The following HDAC9 variants were observed in gnomAD, a reference collection of about 807,000 sequenced individuals.
The protein encoded by HDAC9 is histone deacetylase 9.
HDAC9 carries 41 observed loss-of-function variants against 139.4 expected under a neutral mutation model. That is an observed-to-expected ratio of 0.29 (90% confidence interval 0.23 to 0.38). HDAC9 has a LOEUF of 0.38. Ranked by LOEUF, HDAC9 falls within the 10% of genes least tolerant of loss-of-function variation. The pLI is 1.00. For missense variants in HDAC9, 1,147 were observed against 1,297.0 expected (o/e 0.88, Z 1.78); for synonymous variants, 517 against 476.2 (o/e 1.09, Z -1.12).
At chr7:18,370,739 A>G (rs1784532747) in intron 1 of HDAC9, among the ~76,000 whole-genome samples, 3 of 152,278 alleles carry the variant, frequency 2.0e-5, no homozygotes, top group Non-Finnish European at 2.9e-5. Flanking sequence ...TTGGTCCATA[A>G]TGGTTTGTGT....
chr7:18,247,549 G>C (rs1162676669), intron 2 of HDAC9, among the ~76,000 whole-genome samples: 4 of 152,010 alleles, frequency 2.6e-5, no homozygotes, highest in Non-Finnish European at 5.9e-5. Flanking sequence ...AGGAGAATTG[G>C]GAACAGTGAG....
At chr7:18,712,968 C>T (rs1456934974) in intron 12 of HDAC9, among the ~76,000 whole-genome samples, 2 of 152,102 alleles carry the variant, frequency 1.3e-5, no homozygotes, top group African/African-American at 4.8e-5. Context: ...CCAAATAATA[C>T]CAGACAAGGT....
intron 2 of HDAC9, among the ~76,000 whole-genome samples, chr7:18,179,958 A>G (rs1360980729): frequency 2.0e-5 from 3 of 152,096 alleles, no homozygotes; most frequent in Admixed American, 6.6e-5. Flanking sequence ...CAAAAATCTC[A>G]TGTCTATAAG....
At chr7:18,800,075 A>C (rs1041337814) in intron 17 of HDAC9, among the ~76,000 whole-genome samples, 2 of 152,220 alleles carry the variant, frequency 1.3e-5, no homozygotes, top group East Asian at 3.8e-4. Flanking sequence ...AGGTCTCATC[A>C]TAAACTATGT....
chr7:18,185,585 T>C (rs1241845687), intron 2 of HDAC9, among the ~76,000 whole-genome samples: 1 of 152,216 alleles, frequency 6.6e-6, no homozygotes, highest in Non-Finnish European at 1.5e-5. Flanking sequence ...GTTACAAGCA[T>C]AGATAAGAGT....
intron 12 of HDAC9, among the ~76,000 whole-genome samples, chr7:18,719,330 C>CTTTTTTTTTTTT (rs1562879963): frequency 2.2e-5 from 2 of 91,650 alleles, no homozygotes; most frequent in East Asian, 3.5e-4. Context: ...TTTTTCTCTT[C>CTTTTTTTTTTTT]CTTTTTTTTT....
At chr7:18,864,327 A>T (rs1009762185) in intron 21 of HDAC9, among the ~76,000 whole-genome samples, 1 of 152,206 alleles carries the variant, frequency 6.6e-6, no homozygotes, top group African/African-American at 2.4e-5. Flanking sequence ...TAAAATAGTC[A>T]AACTCATAGA....
At chr7:18,901,535 A>T (rs762907813) in intron 22 of HDAC9, among the ~76,000 whole-genome samples, 23 of 152,246 alleles carry the variant, frequency 1.5e-4, no homozygotes, top group Middle Eastern at 3.4e-3. Context: ...GGGAGAATCC[A>T]ATGCCTGTAG....
intron 1 of HDAC9, among the ~76,000 whole-genome samples, chr7:18,465,362 T>G (rs1045149625): frequency 2.0e-5 from 3 of 152,124 alleles, no homozygotes; most frequent in Admixed American, 2.0e-4. Flanking sequence ...ATTTTGATAT[T>G]GCTTTTTATG....
chr7:18,987,658 G>C (rs1232638682), intron 25 of HDAC9, among the ~76,000 whole-genome samples: 1 of 152,052 alleles, frequency 6.6e-6, no homozygotes, highest in East Asian at 1.9e-4. Context: ...GTTCCTCCTT[G>C]TACCTCTGGT....
chr7:18,297,890 C>T (rs1340997562), intron 1 of HDAC9, among the ~76,000 whole-genome samples: 1 of 152,154 alleles, frequency 6.6e-6, no homozygotes, highest in Non-Finnish European at 1.5e-5. Context: ...ATGTTCTATG[C>T]TTTTTAGCCT....
At chr7:18,460,052 C>T (rs1369818451) in intron 1 of HDAC9, among the ~76,000 whole-genome samples, 2 of 151,506 alleles carry the variant, frequency 1.3e-5, no homozygotes, top group African/African-American at 4.9e-5. Flanking sequence ...CTTGGGTAGC[C>T]GGGACTACAG....
At chr7:18,917,703 A>G (rs1251956013) in intron 22 of HDAC9, among the ~76,000 whole-genome samples, 1 of 152,008 alleles carries the variant, frequency 6.6e-6, no homozygotes, top group Non-Finnish European at 1.5e-5. Context: ...TTTTTCATGT[A>G]TTCACCTTAA....
intron 2 of HDAC9, among the ~76,000 whole-genome samples, chr7:18,174,522 G>T (rs544992992): frequency 2.0e-5 from 3 of 152,226 alleles, no homozygotes; most frequent in African/African-American, 7.2e-5. Context: ...CTTTGGAGGA[G>T]AAGAGGTGCT....
chr7:18,543,861 C>T (rs909043813), intron 2 of HDAC9, among the ~76,000 whole-genome samples: 2 of 149,790 alleles, frequency 1.3e-5, no homozygotes, highest in African/African-American at 4.9e-5. Context: ...ATTTAAAAGT[C>T]CTGGACTCGT....
chr7:18,594,165 G>A, intron 6 of HDAC9, 136 bp downstream of exon 6: 1 of 735,144 alleles, frequency 1.4e-6, no homozygotes, highest in Non-Finnish European at 2.3e-6. Context: ...CCCAGCATAA[G>A]CAAACAATGC....
intron 15 of HDAC9, among the ~76,000 whole-genome samples, chr7:18,763,533 T>C (rs888425077): frequency 2.0e-5 from 3 of 152,170 alleles, no homozygotes; most frequent in Non-Finnish European, 2.9e-5. Context: ...AATAAATCAA[T>C]CTAAACATAT....
chr7:18,217,879 G>A (rs1792425902), intron 2 of HDAC9, among the ~76,000 whole-genome samples: 1 of 152,106 alleles, frequency 6.6e-6, no homozygotes, highest in African/African-American at 2.4e-5. Flanking sequence ...TCTGGGAGAG[G>A]TTTAACTGGG....
At chr7:18,422,031 C>G (rs751711646) in intron 1 of HDAC9, among the ~76,000 whole-genome samples, 1 of 152,170 alleles carries the variant, frequency 6.6e-6, no homozygotes, top group Non-Finnish European at 1.5e-5. Context: ...TGTTTTCTTG[C>G]TGTGCCTAAA....
Sources: gnomAD v4.1 joint callset for allele counts (sites outside exome capture counted in the v4.1 genomes callset) on GRCh38, gnomAD v4.1.1 for gene constraint, MANE v1.5 for transcripts, NCBI Gene and HGNC (gene_info 2026-07-23, HGNC 2026-07-21) for gene names.